The following PIWIL3 variants were observed in gnomAD, a reference collection of about 807,000 sequenced individuals.
PIWIL3 encodes piwi like RNA-mediated gene silencing 3, also known as piwi-like protein 3.
PIWIL3 carries 101 observed loss-of-function variants against 109.7 expected under a neutral mutation model. The ratio of observed to expected loss-of-function variants is 0.92; its 90% confidence interval spans 0.78 to 1.09. The LOEUF is 1.09. Ranked by LOEUF, PIWIL3 falls within the 50% of genes least tolerant of loss-of-function variation. PIWIL3 has a pLI of 0.00. For synonymous variants in PIWIL3, 373 were observed against 376.4 expected (o/e 0.99, Z 0.10); for missense variants, 1,031 against 1,072.6 (o/e 0.96, Z 0.54).
chr22:24,757,676 A>ATATAAAATATGTATATAT (rs36148958), intron 4 of PIWIL3, among the ~76,000 whole-genome samples: 1 of 134,120 alleles, frequency 7.5e-6, no homozygotes, highest in African/African-American at 2.6e-5. Flanking sequence ...ACACACACAC[A>ATATAAAATATGTATATAT]CACACACACA....
rs545080808 is a variant in PIWIL3 at position 24,749,016 on chromosome 22, T to C, written c.1340A>G (p.Lys447Arg). The C allele has an allele frequency of 3.7e-6, 6 of 1,606,384 alleles. No individual in the cohort carries two copies. The Admixed American group carries it at 1.0e-4, about 27-fold the overall frequency. The change falls in exon 12 of 21, where the codon AAA becomes AGA. Residue 447 changes from lysine to arginine, a missense_variant. Transcript: ENST00000616349. ...GAGTTGAAGTAACTCTCGTACTTTT[T>C]TATTACTGAAAATTAAAATATTGCC... is the stretch of plus-strand genomic sequence containing the variant. ...KEFINTLQDN[K>R]KVRELLQLWD...
At chr22:24,749,602 T>G (rs1924582122) in intron 10 of PIWIL3, 81 bp from the exon 11 acceptor site, 1 of 1,610,456 alleles carries the variant, frequency 6.2e-7, no homozygotes, top group African/African-American at 1.3e-5. Context: ...AGGAACCTAC[T>G]ACCAAGGAGA....
chr22:24,735,343 G>A (rs1201978452), intron 13 of PIWIL3, among the ~76,000 whole-genome samples: 1 of 152,068 alleles, frequency 6.6e-6, no homozygotes, highest in East Asian at 1.9e-4. Flanking sequence ...GATGGGGGAG[G>A]CTATGCATTA....
chr22:24,735,300 T>A (rs1159852409), intron 13 of PIWIL3, among the ~76,000 whole-genome samples: 2 of 152,158 alleles, frequency 1.3e-5, no homozygotes, highest in Non-Finnish European at 1.5e-5. Context: ...GCTCATCAGC[T>A]GCAACAAATG....
intron 1 of PIWIL3, among the ~76,000 whole-genome samples, chr22:24,763,457 C>T (rs909358257): frequency 1.3e-5 from 2 of 152,180 alleles, no homozygotes; most frequent in South Asian, 2.1e-4. Flanking sequence ...CGTGCCACCA[C>T]GCCTGGCTAA....
At chr22:24,748,515 A>G (rs1460616483) in intron 12 of PIWIL3, among the ~76,000 whole-genome samples, 1 of 152,242 alleles carries the variant, frequency 6.6e-6, no homozygotes, top group Non-Finnish European at 1.5e-5. Context: ...GCCTGTATCA[A>G]AATACCACAT....
chr22:24,764,860 C>T (rs551420077), intron 1 of PIWIL3, among the ~76,000 whole-genome samples: 2 of 152,110 alleles, frequency 1.3e-5, no homozygotes, highest in African/African-American at 4.8e-5. Context: ...GAAGTTTTAG[C>T]CAGTCTCAAG....
chr22:24,757,244 A>T (rs1248374973), intron 4 of PIWIL3, among the ~76,000 whole-genome samples: 3 of 152,146 alleles, frequency 2.0e-5, no homozygotes, highest in Non-Finnish European at 2.9e-5. Context: ...GAATAGATTG[A>T]AAATTAGAAC....
chr22:24,755,958 A>G, intron 5 of PIWIL3, 53 bp from the exon 6 acceptor site: 1 of 1,579,156 alleles, frequency 6.3e-7, no homozygotes, highest in Non-Finnish European at 8.6e-7. Flanking sequence ...CCAAAAAACT[A>G]AACTTCATTG....
chr22:24,754,285 G>C, intron 7 of PIWIL3, 68 bp from the exon 8 acceptor site: 4 of 1,367,936 alleles, frequency 2.9e-6, no homozygotes, highest in Non-Finnish European at 4.0e-6. Context: ...CCAAGCCTAA[G>C]CTCTGGGTCT....
At chr22:24,724,770 CTA>C in intron 18 of PIWIL3, 115 bp downstream of exon 18, 1 of 1,162,688 alleles carries the variant, frequency 8.6e-7, no homozygotes, top group Non-Finnish European at 1.2e-6. Flanking sequence ...TTGGATCTCA[CTA>C]TGTTGCCCAA....
At chr22:24,745,641 G>C (rs1439372669) in intron 12 of PIWIL3, among the ~76,000 whole-genome samples, 1 of 108,812 alleles carries the variant, frequency 9.2e-6, no homozygotes, top group East Asian at 2.6e-4. Flanking sequence ...TTAAAATGAA[G>C]AAAATATAAA....
chr22:24,743,036 G>A (rs112020818), intron 12 of PIWIL3, among the ~76,000 whole-genome samples: 92 of 152,168 alleles, frequency 6.0e-4, no homozygotes, highest in African/African-American at 2.1e-3. Flanking sequence ...ACTCAAATCA[G>A]CAAGAAAGAA....
chr22:24,751,449 G>A lies in PIWIL3; in HGVS notation c.1027C>T (p.Pro343Ser). 1 of 1,613,888 alleles carries A rather than the reference G, an allele frequency of 6.2e-7. No homozygotes were observed. Among genetic ancestry groups the A allele is most frequent in the Non-Finnish European group, 8.5e-7 (1 of 1,179,950 alleles). ...RVDDIDWKQN[P>S]EDTFNKSDGS... ...TCTGATTTGTTAAATGTGTCTTCAG[G>A]ATTCTGCTTCCAATCAATATCATCT... The change falls in exon 9 of 21, where the codon CCT becomes TCT. Residue 343 changes from proline (P) to serine (S), a missense_variant. Pro to Ser is a moderately conservative substitution (Grantham distance 74). Transcript: ENST00000616349.
At position 24,755,867 on chromosome 22, in the gene PIWIL3, G is replaced by A. The variant is rs763366453; in HGVS notation, c.609C>T (p.Ile203=). Residue 203 remains isoleucine, a synonymous_variant, in exon 6 of 21, where the codon ATC becomes ATT. Transcript: ENST00000616349. ...TGGAAAACTCAACTGTAATCTTCAC[G>A]ATGTTTTTGTCTTTGGTTGTGCTCA... is the stretch of plus-strand genomic sequence containing the variant. The part of the protein sequence containing the change: ...EWLSTTKDKN[I]VKITVEFSKE... 5.0e-5 allele frequency: 81 copies of A among 1,613,288 alleles called. No individual in the cohort carries two copies. Among genetic ancestry groups the A allele is most frequent in the Middle Eastern group, 4.9e-4 (3 of 6,084 alleles).
intron 18 of PIWIL3, among the ~76,000 whole-genome samples, chr22:24,724,411 A>G (rs1314340477): frequency 6.6e-6 from 1 of 150,778 alleles, no homozygotes; most frequent in East Asian, 1.9e-4. Context: ...ATAGGCACAC[A>G]CCACCATGCT....
At chr22:24,729,033 A>G (rs738823) in intron 14 of PIWIL3, among the ~76,000 whole-genome samples, 101,247 of 152,124 alleles carry the variant, frequency 0.67, 34,118 homozygotes, top group East Asian at 0.81. Flanking sequence ...TTCTTTGTGT[A>G]ATCAGCAGGC....
chr22:24,740,409 A>G (rs900008451), intron 12 of PIWIL3, among the ~76,000 whole-genome samples: 1 of 151,214 alleles, frequency 6.6e-6, no homozygotes, highest in East Asian at 2.0e-4. Context: ...TTAGCCAGAC[A>G]TGGTGGCAGG....
intron 1 of PIWIL3, among the ~76,000 whole-genome samples, chr22:24,763,492 G>A (rs1036438721): frequency 6.6e-6 from 1 of 152,028 alleles, no homozygotes; most frequent in African/African-American, 2.4e-5. Flanking sequence ...GTAGAGACGG[G>A]TTTCACCATG....
Sources: allele counts gnomAD v4.1 joint callset (sites outside exome capture counted in the v4.1 genomes callset), GRCh38; gene constraint gnomAD v4.1.1; transcripts MANE v1.5; gene names NCBI Gene and HGNC (gene_info 2026-07-23, HGNC 2026-07-21).